MAF: variants seen among roughly 807,000 people sequenced by gnomAD.
MAF encodes MAF bZIP transcription factor.
In MAF, 10 loss-of-function variants were observed where a neutral mutation model predicts 22.0. The observed-to-expected ratio is 0.45, with a 90% CI of 0.28 to 0.77. The LOEUF (loss-of-function observed/expected upper bound fraction) is 0.77. Ranked by LOEUF, MAF falls within the 30% of genes least tolerant of loss-of-function variation. The pLI, the probability that MAF is intolerant of heterozygous loss-of-function variation, is 0.12. For missense variants in MAF, 544 were observed against 548.4 expected, an observed-to-expected ratio of 0.99 and a Z score of 0.08; for synonymous variants, 337 against 255.8, an observed-to-expected ratio of 1.32 and a Z score of -3.03.
the MAF span, among the ~76,000 whole-genome samples, chr16:79,468,637 T>A: frequency 6.6e-6 from 1 of 151,988 alleles, no homozygotes; most frequent in African/African-American, 2.4e-5. Flanking sequence ...AGGCCAGGGG[T>A]GTTGGCATTG....
the MAF span, among the ~76,000 whole-genome samples, chr16:79,573,427 C>T: frequency 2.0e-5 from 3 of 152,142 alleles, no homozygotes; most frequent in Admixed American, 6.5e-5. Flanking sequence ...AATGGTTACA[C>T]CCCTCCTGTT....
At chr16:79,474,213 C>T in the MAF span, among the ~76,000 whole-genome samples, 9 of 152,310 alleles carry the variant, frequency 5.9e-5, no homozygotes, top group Middle Eastern at 3.4e-3. Context: ...CCAAATCTCT[C>T]TACATGGCAT....
the MAF span, among the ~76,000 whole-genome samples, chr16:79,428,557 G>T: frequency 6.6e-6 from 1 of 152,050 alleles, no homozygotes; most frequent in African/African-American, 2.4e-5. Context: ...GTCATGGGAG[G>T]GACAGGGTGC....
chr16:79,336,193 G>A, the MAF span, among the ~76,000 whole-genome samples: 2 of 152,332 alleles, frequency 1.3e-5, no homozygotes, highest in East Asian at 1.9e-4. Flanking sequence ...AGTGAGAATC[G>A]TAGTAATGAA....
At chr16:79,433,138 C>A in the MAF span, among the ~76,000 whole-genome samples, 1 of 151,982 alleles carries the variant, frequency 6.6e-6, no homozygotes, top group South Asian at 2.1e-4. Context: ...GCAATAGTTC[C>A]TGAATTATGA....
the MAF span, among the ~76,000 whole-genome samples, chr16:79,460,115 C>T: frequency 6.6e-6 from 1 of 152,242 alleles, no homozygotes; most frequent in South Asian, 2.1e-4. Context: ...TGAATACTAA[C>T]ACTTTCATTT....
chr16:79,451,063 G>A, the MAF span, among the ~76,000 whole-genome samples: 18 of 152,228 alleles, frequency 1.2e-4, 1 homozygote, highest in African/African-American at 4.3e-4. Flanking sequence ...CATAAAATGT[G>A]TCTTTTTATT....
chr16:79,230,912 T>C, the MAF span, among the ~76,000 whole-genome samples: 1 of 152,050 alleles, frequency 6.6e-6, no homozygotes, highest in Non-Finnish European at 1.5e-5. Context: ...TCCTACGGGG[T>C]AGGGCTGCAT....
the MAF span, among the ~76,000 whole-genome samples, chr16:79,532,709 C>T: frequency 2.0e-4 from 30 of 152,176 alleles, no homozygotes; most frequent in African/African-American, 4.8e-4. Context: ...AGTGTGTGTG[C>T]GCGTGCATGC....
the MAF span, among the ~76,000 whole-genome samples, chr16:79,408,099 A>AC: frequency 2.4e-4 from 36 of 150,486 alleles, no homozygotes; most frequent in Non-Finnish European, 3.8e-4. Context: ...AAAAAAAAAA[A>AC]ACCTAAAGGC....
chr16:79,337,403 C>G, the MAF span, among the ~76,000 whole-genome samples: 495 of 152,184 alleles, frequency 3.3e-3, 2 homozygotes, highest in African/African-American at 0.011. Context: ...AATTCTGTCT[C>G]TACTAAAAAT....
chr16:79,597,355 CA>C, intron 1 of MAF: 3 of 1,037,956 alleles, frequency 2.9e-6, no homozygotes, highest in Non-Finnish European at 3.5e-6. Flanking sequence ...GACCAAAAGC[CA>C]AAAAATATAA....
the MAF span, among the ~76,000 whole-genome samples, chr16:79,330,429 C>G: frequency 6.6e-6 from 1 of 152,122 alleles, no homozygotes; most frequent in African/African-American, 2.4e-5. Flanking sequence ...TCTTGGAAAT[C>G]CAGGCCCACC....
chr16:79,299,638 G>T, the MAF span, among the ~76,000 whole-genome samples: 4 of 152,274 alleles, frequency 2.6e-5, no homozygotes, highest in African/African-American at 9.6e-5. Context: ...TGAGGCCCTG[G>T]AGGGCCCCTG....
the MAF span, among the ~76,000 whole-genome samples, chr16:79,457,561 T>C: frequency 6.6e-6 from 1 of 152,144 alleles, no homozygotes; most frequent in Non-Finnish European, 1.5e-5. Flanking sequence ...ATAGTGGAGC[T>C]ATGAAAACCA....
chr16:79,302,625 G>T, the MAF span, among the ~76,000 whole-genome samples: 1 of 152,172 alleles, frequency 6.6e-6, no homozygotes, highest in Admixed American at 6.5e-5. Context: ...AGAAAGTTTG[G>T]TAATGAATGT....
At chr16:79,318,145 G>A in the MAF span, among the ~76,000 whole-genome samples, 2 of 152,196 alleles carry the variant, frequency 1.3e-5, no homozygotes, top group South Asian at 2.1e-4. Context: ...TGGGGCTACA[G>A]GGAAGAGCAG....
the MAF span, among the ~76,000 whole-genome samples, chr16:79,547,879 TGC>T: frequency 8.0e-6 from 1 of 124,766 alleles, no homozygotes; most frequent in Non-Finnish European, 1.6e-5. Context: ...TGTGTGTGTG[TGC>T]GTGTGTGTGT....
the MAF span, among the ~76,000 whole-genome samples, chr16:79,223,722 C>A: frequency 1.3e-5 from 2 of 152,180 alleles, no homozygotes; most frequent in Non-Finnish European, 2.9e-5. Flanking sequence ...TCAGAGAATA[C>A]TATAAACACC....
Sources: allele counts gnomAD v4.1 joint callset (sites outside exome capture counted in the v4.1 genomes callset), GRCh38; gene constraint gnomAD v4.1.1; transcripts MANE v1.5; gene names NCBI Gene and HGNC (gene_info 2026-07-23, HGNC 2026-07-21).